PAX5: variants seen among roughly 807,000 people sequenced by gnomAD.
The protein encoded by PAX5 is paired box protein Pax-5.
PAX5 carries 9 observed loss-of-function variants against 43.7 expected under a neutral mutation model. The observed-to-expected ratio is 0.21, with a 90% CI of 0.12 to 0.36. The LOEUF (loss-of-function observed/expected upper bound fraction) is 0.36, where lower values mean the gene tolerates loss of function less well. Ranked by LOEUF, PAX5 falls within the 10% of genes least tolerant of loss-of-function variation. The pLI is 1.00. For missense variants in PAX5, 383 were observed against 532.7 expected, an observed-to-expected ratio of 0.72 and a Z score of 2.77; for synonymous variants, 228 against 214.3, an observed-to-expected ratio of 1.06 and a Z score of -0.56.
chr9:36,990,206 A>G (rs563975714), intron 5 of PAX5, among the ~76,000 whole-genome samples: 2 of 152,314 alleles, frequency 1.3e-5, no homozygotes, highest in South Asian at 2.1e-4. Flanking sequence ...TTACATGCAT[A>G]ATCTCATTCA....
intron 1 of PAX5, among the ~76,000 whole-genome samples, chr9:37,024,099 C>A (rs1225963672): frequency 1.3e-5 from 2 of 152,214 alleles, no homozygotes; most frequent in African/African-American, 2.4e-5. Flanking sequence ...GTCCTTTTGT[C>A]TCTCTGACCT....
intron 5 of PAX5, among the ~76,000 whole-genome samples, chr9:36,973,693 C>T (rs912403333): frequency 7.9e-5 from 12 of 152,124 alleles, no homozygotes; most frequent in Admixed American, 5.9e-4. Flanking sequence ...ATGGCGAGAC[C>T]CCCATCTCTA....
At chr9:36,931,948 T>C (rs1446285947) in intron 6 of PAX5, among the ~76,000 whole-genome samples, 1 of 151,932 alleles carries the variant, frequency 6.6e-6, no homozygotes, top group Non-Finnish European at 1.5e-5. Context: ...GCTAACTTTG[T>C]GGATGTGATA....
At chr9:36,852,824 C>T (rs1823293618) in intron 8 of PAX5, among the ~76,000 whole-genome samples, 1 of 152,150 alleles carries the variant, frequency 6.6e-6, no homozygotes, top group Non-Finnish European at 1.5e-5. Context: ...ACCTTTCCAT[C>T]CCCAGGGTCT....
At chr9:36,874,339 C>G (rs1450112047) in intron 8 of PAX5, among the ~76,000 whole-genome samples, 1 of 152,222 alleles carries the variant, frequency 6.6e-6, no homozygotes, top group Non-Finnish European at 1.5e-5. Context: ...TCCTGGGGTT[C>G]ATGCACCTGT....
chr9:36,874,139 C>A (rs867181445), intron 8 of PAX5, among the ~76,000 whole-genome samples: 6 of 152,348 alleles, frequency 3.9e-5, no homozygotes, highest in African/African-American at 7.2e-5. Context: ...CCCTTCCTAT[C>A]TCACACAGGC....
intron 8 of PAX5, among the ~76,000 whole-genome samples, chr9:36,854,405 C>T (rs1823454949): frequency 6.6e-6 from 1 of 152,158 alleles, no homozygotes; most frequent in Admixed American, 6.5e-5. Flanking sequence ...TTATAATATA[C>T]AGATGTATGT....
At chr9:37,026,700 C>T in intron 1 of PAX5, 1 of 1,298,646 alleles carries the variant, frequency 7.7e-7, no homozygotes, top group Non-Finnish European at 9.9e-7. Flanking sequence ...GAAAACACTG[C>T]TGGAGCTTCG....
intron 7 of PAX5, among the ~76,000 whole-genome samples, chr9:36,897,206 G>C (rs1827942401): frequency 6.6e-6 from 1 of 152,180 alleles, no homozygotes; most frequent in Non-Finnish European, 1.5e-5. Context: ...AAGGTGTGAG[G>C]GCTGTGGGCC....
chr9:37,000,838 A>G (rs1206130205), intron 5 of PAX5, among the ~76,000 whole-genome samples: 2 of 152,204 alleles, frequency 1.3e-5, no homozygotes, highest in South Asian at 4.1e-4. Context: ...AGGCCATGCA[A>G]TGAGATCTCA....
At chr9:36,861,094 G>A (rs1246764610) in intron 8 of PAX5, 1 of 152,260 alleles carries the variant, frequency 6.6e-6, no homozygotes, top group Non-Finnish European at 1.5e-5. Context: ...GATAAGTGAA[G>A]AAACCACCTA....
intron 8 of PAX5, among the ~76,000 whole-genome samples, chr9:36,861,767 GAGTGGGAGA>G (rs1824242547): frequency 6.6e-6 from 1 of 151,850 alleles, no homozygotes; most frequent in Non-Finnish European, 1.5e-5. Flanking sequence ...GGGAAGTGGG[GAGTGGGAGA>G]TAGGTCAGGA....
At chr9:36,953,634 T>A (rs538472782) in intron 6 of PAX5, among the ~76,000 whole-genome samples, 1 of 152,326 alleles carries the variant, frequency 6.6e-6, no homozygotes, top group South Asian at 2.1e-4. Flanking sequence ...GCAAAGAAAG[T>A]CTTTATTTCT....
At chr9:36,928,982 T>C (rs145873692) in intron 6 of PAX5, among the ~76,000 whole-genome samples, 251 of 152,334 alleles carry the variant, frequency 1.6e-3, no homozygotes, top group African/African-American at 5.8e-3. Flanking sequence ...TGCATGTCTC[T>C]TTTGGCTTTG....
Position 37,034,153 on chromosome 9 carries a change from A to T in PAX5, c.-122T>A, listed in dbSNP as rs1588296130. 1.6e-6 allele frequency: 1 copy of T among 606,380 alleles called. No individual in the cohort carries two copies. Among genetic ancestry groups the T allele is most frequent in the Admixed American group, 3.5e-5 (1 of 28,780 alleles). 37.6% of individuals were successfully genotyped at this position (606,380 alleles called of 1,614,324 possible). A position where few individuals can be genotyped will look rare whatever the true frequency, so the allele number is the denominator to read the frequency against. Reference sequence around the variant, plus strand: ...GTGCCAGGGGCCGCTCACAGGTCGGAATAATTCAAGCCTTCCGCTCCCCCG... The same window carrying T: ...GTGCCAGGGGCCGCTCACAGGTCGGTATAATTCAAGCCTTCCGCTCCCCCG... On this transcript the variant is annotated 5_prime_UTR_variant, in exon 1 of 10. Transcript: ENST00000358127.
At position 36,871,539 on chromosome 9, in the gene PAX5, C is replaced by G. The variant is rs928674451; in HGVS notation, c.1012+10465G>C. Among the ~76,000 whole-genome samples, 5 of 152,242 alleles carry G rather than the reference C, an allele frequency of 3.3e-5. No homozygotes were observed. The South Asian group carries it at 1.0e-3, about 32-fold the overall frequency. On this transcript the variant is annotated intron_variant, in intron 8 of 9. Transcript: ENST00000358127. ...GCAAATGCTTCAGTTTCTTCTAAAG[C>G]AAATTCTGATAGCATTCCCCTTCAT...
intron 9 of PAX5, among the ~76,000 whole-genome samples, chr9:36,844,170 G>T (rs1822345532): frequency 6.6e-6 from 1 of 152,188 alleles, no homozygotes; most frequent in Non-Finnish European, 1.5e-5. Context: ...TCACACACAG[G>T]TCTGAGTATT....
intron 5 of PAX5, among the ~76,000 whole-genome samples, chr9:36,992,550 G>T (rs10973159): frequency 0.63 from 95,110 of 152,102 alleles, 29,951 homozygotes; most frequent in South Asian, 0.81. Context: ...GAGAAGGCTC[G>T]GTAGCTATGT....
chr9:36,961,373 C>G (rs1306701460), intron 6 of PAX5, among the ~76,000 whole-genome samples: 1 of 152,218 alleles, frequency 6.6e-6, no homozygotes, highest in East Asian at 1.9e-4. Flanking sequence ...AGGTCAGCAG[C>G]ACATCCCCTT....
Sources: allele counts gnomAD v4.1 joint callset (sites outside exome capture counted in the v4.1 genomes callset), GRCh38; gene constraint gnomAD v4.1.1; transcripts MANE v1.5; gene names NCBI Gene and HGNC (gene_info 2026-07-23, HGNC 2026-07-21).